Variants in BNC1 observed in about 807,000 individuals in gnomAD.
The protein encoded by BNC1 is zinc finger protein basonuclin-1.
In BNC1, 8 loss-of-function variants were observed where a neutral mutation model predicts 66.5. The observed-to-expected ratio is 0.12, with a 90% CI of 0.07 to 0.22. The LOEUF is 0.22. Ranked by LOEUF, BNC1 falls within the 10% of genes least tolerant of loss-of-function variation. The pLI, the probability that BNC1 is intolerant of heterozygous loss-of-function variation, is 1.00. For synonymous variants in BNC1, 454 were observed against 452.6 expected (o/e 1.00, Z -0.04); for missense variants, 1,069 against 1,241.3 (o/e 0.86, Z 2.09).
At chr15:83,283,072 G>GCCCC in intron 1 of BNC1, 2 of 1,298,976 alleles carry the variant, frequency 1.5e-6, no homozygotes, top group Non-Finnish European at 2.1e-6. Context: ...GATGCCCCCC[G>GCCCC]CCCCCCAACC....
chr15:83,268,191 T>C lies in BNC1; in HGVS notation c.141A>G (p.Lys47=). The stretch of plus-strand genomic sequence containing the variant: ...ACTGACGGTGGTTTATTTTCCCGGG[T>C]TTGAAACTTTGGCAACTACAGTTCA... ...CTLNCSCQSF[K]PGKINHRQCD... The change falls in exon 2 of 5, where the codon AAA becomes AAG. Residue 47 remains lysine, a synonymous_variant. Coordinates refer to ENST00000345382, the MANE Select transcript of BNC1 (RefSeq NM_001717.4). 6.2e-7 allele frequency: 1 copy of C among 1,614,138 alleles called. No individual in the cohort carries two copies. Among genetic ancestry groups the C allele is most frequent in the African/African-American group, 1.3e-5 (1 of 75,030 alleles).
intron 1 of BNC1, among the ~76,000 whole-genome samples, chr15:83,282,038 C>G (rs1053824093): frequency 4.6e-5 from 7 of 152,218 alleles, no homozygotes; most frequent in African/African-American, 1.7e-4. Flanking sequence ...GCAAACAGAT[C>G]ACTGTAGGTA....
intron 1 of BNC1, among the ~76,000 whole-genome samples, chr15:83,278,429 T>C (rs1270390485): frequency 1.3e-5 from 2 of 152,180 alleles, no homozygotes; most frequent in Non-Finnish European, 2.9e-5. Context: ...GTAGAGAATA[T>C]GATTTGTCAA....
At position 83,257,290 on chromosome 15, in the gene BNC1, T is replaced by C. The variant is rs536331449; in HGVS notation, c.*152A>G. ...TGTCATCTTCCCACGAGGTTTGTCT[T>C]TTGCTCATTGTGCTGTGGAAAACTA... On this transcript the variant is annotated 3_prime_UTR_variant, in exon 5 of 5. Coordinates refer to ENST00000345382, the MANE Select transcript of BNC1 (RefSeq NM_001717.4). 1.1e-6 allele frequency: 1 copy of C among 909,572 alleles called. No individual in the cohort carries two copies. Among genetic ancestry groups the C allele is most frequent in the South Asian group, 1.8e-5 (1 of 56,524 alleles). The allele number at this position is 909,572 out of a possible 1,614,324, so 56.3% of individuals were successfully genotyped here.
rs556802888 is a variant in BNC1 at position 83,275,444 on chromosome 15, C to T, written c.100-7212G>A. 2.0e-3 allele frequency among the ~76,000 whole-genome samples: 290 copies of T among 143,204 alleles called. 1 individual carries two copies. Among genetic ancestry groups the T allele is most frequent in the African/African-American group, 7.0e-3 (264 of 37,812 alleles). 93.9% of individuals were successfully genotyped at this position (143,204 alleles called of 152,430 possible). A position where few individuals can be genotyped will look rare whatever the true frequency, so the allele number is the denominator to read the frequency against. Reference sequence around the variant, plus strand: ...CCGGGAAGTGGAAGTTGCAGTGAGACGAGATTGTGCCACTGCACTCCAGCC... The same window carrying T: ...CCGGGAAGTGGAAGTTGCAGTGAGATGAGATTGTGCCACTGCACTCCAGCC... On this transcript the variant is annotated intron_variant, in intron 1 of 4. Transcript: ENST00000345382.
chr15:83,263,656 A>G lies in BNC1; in HGVS notation c.1595T>C (p.Leu532Pro), dbSNP rs149100994. The change falls in exon 4 of 5, where the codon CTT becomes CCT. Residue 532 changes from leucine to proline, a missense_variant. Transcript: ENST00000345382. ...LISNEMPFDA[L>P]PKKKSRKSSM... ...GGACTTCCTGGATTTCTTCTTGGGA[A>G]GGGCATCAAATGGCATTTCGTTTGA... The G allele has an allele frequency of 2.7e-4, 440 of 1,614,224 alleles. 3 individuals are homozygous for G. The East Asian group carries it at 7.8e-3, about 28-fold the overall frequency.
At position 83,268,248 on chromosome 15, in the gene BNC1, A is replaced by C; in HGVS notation, c.100-16T>G. The stretch of plus-strand genomic sequence containing the variant: ...AGCTGATAGCCTGAAAAAGAGGAGA[A>C]AACAGGTATGTGGAGCATGTAAGTG... On this transcript the variant is annotated splice_polypyrimidine_tract_variant and intron_variant, in intron 1 of 4. Transcript: ENST00000345382. 1 of 1,596,066 alleles carries C rather than the reference A, an allele frequency of 6.3e-7. No individual in the cohort carries two copies. Among genetic ancestry groups the C allele is most frequent in the Non-Finnish European group, 8.6e-7 (1 of 1,163,500 alleles).
At chr15:83,266,514 T>C (rs2038219620) in intron 3 of BNC1, among the ~76,000 whole-genome samples, 1 of 152,228 alleles carries the variant, frequency 6.6e-6, no homozygotes, top group Non-Finnish European at 1.5e-5. Flanking sequence ...ACAGATCTTG[T>C]GTCAGTAAGT....
rs1297093447 is a variant in BNC1, at chr15:83,255,983, C to T, written c.*1459G>A. On this transcript the variant is annotated 3_prime_UTR_variant, in exon 5 of 5. Coordinates refer to ENST00000345382, the MANE Select transcript of BNC1 (RefSeq NM_001717.4). ...ACTTTGGGAAGACTGGAATATTAAA[C>T]AGCTGGGTAACTAAACAGTTGAAAG... 1 of 152,590 alleles carries T rather than the reference C, an allele frequency of 6.6e-6. No homozygotes were observed. The highest frequency in any genetic ancestry group is 1.5e-5 in the Non-Finnish European group (1 of 68,026). The allele number at this position is 152,590 out of a possible 1,614,324, so 9.5% of individuals were successfully genotyped here. A position where few individuals can be genotyped will look rare whatever the true frequency, so the allele number is the denominator to read the frequency against.
intron 3 of BNC1, 48 bp downstream of exon 3, chr15:83,266,788 C>G (rs1034666727): frequency 1.3e-6 from 2 of 1,571,634 alleles, no homozygotes; most frequent in Non-Finnish European, 1.8e-6. Flanking sequence ...TATATGGGCA[C>G]AAATTTCAGA....
At chr15:83,269,059 A>G (rs2038244736) in intron 1 of BNC1, among the ~76,000 whole-genome samples, 2 of 152,126 alleles carry the variant, frequency 1.3e-5, no homozygotes, top group South Asian at 4.1e-4. Context: ...CCCTATCTCT[A>G]CTAAAAATAC....
Position 83,258,123 on chromosome 15 carries a change from G to A in BNC1, c.2304C>T (p.His768=). ...TFPSRRSRDR[H]SSNLNLHQKA... ...TTTGGTGGAGGTTTAGGTTTGAGCT[G>A]TGTCTACAAGAGTGAAAAGATGGTT... is the stretch of plus-strand genomic sequence containing the variant. The change falls in exon 5 of 5, where the codon CAC becomes CAT. Residue 768 remains histidine (H), a synonymous_variant. Coordinates refer to ENST00000345382, the MANE Select transcript of BNC1 (RefSeq NM_001717.4). 6.3e-7 allele frequency: 1 copy of A among 1,592,046 alleles called. No homozygotes were observed. The highest frequency in any genetic ancestry group is 8.6e-7 in the Non-Finnish European group (1 of 1,163,290).
Position 83,256,538 on chromosome 15 carries a change from T to C in BNC1, c.*904A>G, listed in dbSNP as rs2038076028. The C allele has an allele frequency of 6.6e-6, 1 of 152,358 alleles. No homozygotes were observed. The highest frequency in any genetic ancestry group is 1.5e-5 in the Non-Finnish European group (1 of 68,026). 9.4% of individuals were successfully genotyped at this position (152,358 alleles called of 1,614,324 possible). A position where few individuals can be genotyped will look rare whatever the true frequency, so the allele number is the denominator to read the frequency against. On this transcript the variant is annotated 3_prime_UTR_variant, in exon 5 of 5. Coordinates refer to ENST00000345382, the MANE Select transcript of BNC1 (RefSeq NM_001717.4). ...TTATCTACGGCAGAATATGTACAAA[T>C]GTTCCTGCCAAAATCATGCTTGCAT...
rs2038197554 is a variant in BNC1, at chr15:83,264,772, C to T, written c.479G>A (p.Ser160Asn). 1 of 1,614,092 alleles carries T rather than the reference C, an allele frequency of 6.2e-7. No individual in the cohort carries two copies. Among genetic ancestry groups the T allele is most frequent in the African/African-American group, 1.3e-5 (1 of 74,936 alleles). The part of the protein sequence containing the change: ...KVLDHWSIMT[S>N]EEEVATLQQF... ...CTGCAAGGTGGCCACTTCTTCCTCA[C>T]TGGTCATGATGCTCCAGTGATCCAA... The change falls in exon 4 of 5, where the codon AGT (serine) becomes AAT (asparagine). Residue 160 changes from serine to asparagine, a missense_variant. This residue lies in a region of BNC1 where 181 missense variants were observed against 181.5 expected (regional missense o/e 1.00). Transcript: ENST00000345382.
At chr15:83,274,931 T>A (rs2038304975) in intron 1 of BNC1, among the ~76,000 whole-genome samples, 1 of 152,194 alleles carries the variant, frequency 6.6e-6, no homozygotes, top group Non-Finnish European at 1.5e-5. Flanking sequence ...ACAGTTATGG[T>A]TTCATTTAAT....
intron 4 of BNC1, among the ~76,000 whole-genome samples, chr15:83,262,054 T>C (rs1030586904): frequency 1.3e-5 from 2 of 148,850 alleles, no homozygotes; most frequent in Non-Finnish European, 3.0e-5. Context: ...TGTTTTTTTT[T>C]TTTTTTTTTT....
intron 4 of BNC1, among the ~76,000 whole-genome samples, chr15:83,262,374 C>T (rs766748280): frequency 6.6e-6 from 1 of 152,144 alleles, no homozygotes; most frequent in East Asian, 1.9e-4. Flanking sequence ...TCTTATCCCA[C>T]ACCCTTGTGG....
chr15:83,262,049 T>TG (rs1422642277), intron 4 of BNC1, among the ~76,000 whole-genome samples: 1 of 143,582 alleles, frequency 7.0e-6, no homozygotes, highest in Non-Finnish European at 1.5e-5. Context: ...GTTCATGTTT[T>TG]TTTTTTTTTT....
chr15:83,274,568 C>T (rs1381204230), intron 1 of BNC1, among the ~76,000 whole-genome samples: 1 of 152,106 alleles, frequency 6.6e-6, no homozygotes, highest in Non-Finnish European at 1.5e-5. Flanking sequence ...GATTAGCCAC[C>T]CTTCCAGCAT....
Sources: allele counts gnomAD v4.1 joint callset (sites outside exome capture counted in the v4.1 genomes callset), GRCh38; gene constraint gnomAD v4.1.1; regional missense constraint gnomAD v4.1.1; transcripts MANE v1.5; gene names NCBI Gene and HGNC (gene_info 2026-07-23, HGNC 2026-07-21).